The following SCML4 variants were observed in gnomAD, a reference collection of about 807,000 sequenced individuals.
SCML4 encodes Scm polycomb group protein like 4, also known as sex comb on midleg-like protein 4.
In SCML4, 34 loss-of-function variants were observed where a neutral mutation model predicts 41.1. That is an observed-to-expected ratio of 0.83 (90% CI 0.63 to 1.10). The LOEUF is 1.10. SCML4 is among the 50% of genes least tolerant of loss of function. The probability of loss-of-function intolerance (pLI) is 0.00; values close to 1 mark genes in which losing one functional copy is unlikely to be tolerated. For missense variants in SCML4, 522 were observed against 534.1 expected, an observed-to-expected ratio of 0.98 and a Z score of 0.22; for synonymous variants, 214 against 220.9, an observed-to-expected ratio of 0.97 and a Z score of 0.28.
rs1773248303 is a variant in SCML4, at chr6:107,702,270, A to G, written c.*2930T>C. Among the ~76,000 whole-genome samples the G allele has an allele frequency of 6.6e-6, 1 of 152,222 alleles. No individual in the cohort carries two copies. The highest frequency in any genetic ancestry group is 2.4e-5 in the African/African-American group (1 of 41,458). ...CTTAAAGTTTAATGCAAAATGAGAT[A>G]GCACCTCCGCGAGAGAAGTTCCACG... On this transcript the variant is annotated 3_prime_UTR_variant, in exon 8 of 8. Transcript: ENST00000369020.
chr6:107,735,843 C>T (rs1005593210), intron 5 of SCML4, among the ~76,000 whole-genome samples: 2 of 151,792 alleles, frequency 1.3e-5, no homozygotes, highest in Admixed American at 6.6e-5. Flanking sequence ...TCTAAGCATA[C>T]AGCTCAGTGA....
At chr6:107,748,790 G>A (rs902393094) in intron 3 of SCML4, among the ~76,000 whole-genome samples, 22 of 152,184 alleles carry the variant, frequency 1.4e-4, no homozygotes, top group African/African-American at 4.8e-4. Context: ...CACAGGGAGG[G>A]GCTAAGAGAG....
chr6:107,788,182 T>C (rs1028775625), intron 1 of SCML4, among the ~76,000 whole-genome samples: 1 of 152,212 alleles, frequency 6.6e-6, no homozygotes, highest in Non-Finnish European at 1.5e-5. Context: ...GCTTCCCCAA[T>C]AGACAAGGAC....
At chr6:107,793,915 G>A (rs1419534827) in intron 1 of SCML4, among the ~76,000 whole-genome samples, 3 of 152,076 alleles carry the variant, frequency 2.0e-5, no homozygotes, top group Non-Finnish European at 4.4e-5. Flanking sequence ...CTCCAGCCTG[G>A]GCGACAGAGT....
At chr6:107,725,187 G>T (rs1417049853) in intron 5 of SCML4, among the ~76,000 whole-genome samples, 1 of 152,260 alleles carries the variant, frequency 6.6e-6, no homozygotes, top group Non-Finnish European at 1.5e-5. Context: ...AGCTAGAAAA[G>T]AATAATTCAA....
At chr6:107,738,210 A>T (rs1019160249) in intron 5 of SCML4, among the ~76,000 whole-genome samples, 8 of 152,194 alleles carry the variant, frequency 5.3e-5, no homozygotes, top group African/African-American at 1.9e-4. Context: ...TTCCCCAAAC[A>T]CAAACCACCT....
chr6:107,804,924 C>T lies in SCML4; in HGVS notation c.-60+19202G>A, dbSNP rs151040932. 3.7e-3 allele frequency among the ~76,000 whole-genome samples: 569 copies of T among 152,208 alleles called. 1 individual carries two copies. The highest frequency in any genetic ancestry group is 5.4e-3 in the Non-Finnish European group (366 of 68,010). Reference sequence around the variant, plus strand: ...GCTCAAGGCTGCAATGAGCTGTGTTCGCACCACTGTACTCCAGCTTGAGCA... The same window carrying T: ...GCTCAAGGCTGCAATGAGCTGTGTTTGCACCACTGTACTCCAGCTTGAGCA... On this transcript the variant is annotated intron_variant, in intron 1 of 7. Transcript: ENST00000369020.
chr6:107,839,026 G>A, the SCML4 span, among the ~76,000 whole-genome samples: 1 of 152,112 alleles, frequency 6.6e-6, no homozygotes, highest in Non-Finnish European at 1.5e-5. Flanking sequence ...AAAGCCAGGT[G>A]CAGTGGCTCA....
chr6:107,792,794 G>T (rs1659155211), intron 1 of SCML4, among the ~76,000 whole-genome samples: 1 of 151,958 alleles, frequency 6.6e-6, no homozygotes, highest in Non-Finnish European at 1.5e-5. Context: ...GACTTGACAG[G>T]AAAGCCTTGC....
chr6:107,758,148 AT>A (rs1405911372), intron 2 of SCML4, among the ~76,000 whole-genome samples: 2 of 152,248 alleles, frequency 1.3e-5, no homozygotes. Flanking sequence ...GGTGCTGAAG[AT>A]TCAGCTGTGA....
At chr6:107,728,034 G>A (rs1431080215) in intron 5 of SCML4, among the ~76,000 whole-genome samples, 2 of 152,198 alleles carry the variant, frequency 1.3e-5, no homozygotes, top group Non-Finnish European at 2.9e-5. Context: ...TTACACAGAA[G>A]ACTCATTAAA....
chr6:107,810,405 T>G (rs756854719), intron 1 of SCML4, among the ~76,000 whole-genome samples: 18 of 152,078 alleles, frequency 1.2e-4, no homozygotes, highest in African/African-American at 4.3e-4. Flanking sequence ...CTTTGTGAAG[T>G]TGCACCACTG....
chr6:107,735,596 C>T (rs72933114), intron 5 of SCML4, among the ~76,000 whole-genome samples: 2,281 of 151,778 alleles, frequency 0.015, 33 homozygotes, highest in East Asian at 0.073. Context: ...CTGAGGAGTT[C>T]GAGACCACCC....
chr6:107,708,435 C>T lies in SCML4; in HGVS notation c.974-424G>A, dbSNP rs575682459. On this transcript the variant is annotated intron_variant, in intron 6 of 7. Transcript: ENST00000369020. ...ATGAGTGCCCAAATGAGCCTCATCG[C>T]GTCAGTGAGGCCAGTGACTTGGGGT... 2.4e-4 allele frequency among the ~76,000 whole-genome samples: 36 copies of T among 152,242 alleles called. 1 individual carries two copies. The East Asian group carries it at 6.2e-3, about 26-fold the overall frequency.
chr6:107,824,994 C>G (rs1210784555), upstream of SCML4, among the ~76,000 whole-genome samples: 2 of 151,718 alleles, frequency 1.3e-5, no homozygotes, highest in Admixed American at 1.3e-4. Flanking sequence ...TGGCTCCAGG[C>G]CTGTATGTGT....
chr6:107,745,299 G>T, intron 4 of SCML4, 156 bp from the exon 5 acceptor site: 1 of 603,744 alleles, frequency 1.7e-6, no homozygotes. Context: ...TCCTGTTTCT[G>T]GTGGGGATCC....
intron 5 of SCML4, among the ~76,000 whole-genome samples, chr6:107,725,736 G>A (rs1562185781): frequency 6.6e-6 from 1 of 152,186 alleles, no homozygotes; most frequent in Non-Finnish European, 1.5e-5. Context: ...GACACCAAAA[G>A]CACAAGCAAT....
chr6:107,770,792 TCA>T (rs1466993007), intron 2 of SCML4, among the ~76,000 whole-genome samples: 6 of 152,146 alleles, frequency 3.9e-5, no homozygotes, highest in Non-Finnish European at 7.4e-5. Flanking sequence ...CATTCTTGGG[TCA>T]CAGCCTCCAG....
At chr6:107,773,485 G>A (rs765183549) in intron 1 of SCML4, among the ~76,000 whole-genome samples, 22 of 151,604 alleles carry the variant, frequency 1.5e-4, no homozygotes, top group African/African-American at 1.9e-4. Flanking sequence ...CCAGCTACTC[G>A]GGAGGCTGAG....
Sources: allele counts gnomAD v4.1 joint callset (sites outside exome capture counted in the v4.1 genomes callset), GRCh38; gene constraint gnomAD v4.1.1; transcripts MANE v1.5; gene names NCBI Gene and HGNC (gene_info 2026-07-23, HGNC 2026-07-21).